CREB5: variants seen among roughly 807,000 people sequenced by gnomAD.
CREB5 encodes the protein cyclic AMP-responsive element-binding protein 5.
A neutral mutation model predicts 57.1 loss-of-function variants in CREB5; 19 were observed. The observed-to-expected ratio is 0.33, with a 90% CI of 0.23 to 0.49. The LOEUF (loss-of-function observed/expected upper bound fraction) is 0.49, where lower values mean the gene tolerates loss of function less well. Among genes scored for constraint, CREB5 ranks in the 20% least tolerant of loss-of-function variants. The pLI is 0.99. For missense variants in CREB5, 579 were observed against 671.6 expected, an observed-to-expected ratio of 0.86 and a Z score of 1.52; for synonymous variants, 238 against 238.3, an observed-to-expected ratio of 1.00 and a Z score of 0.01.
chr7:28,560,839 T>TGC lies in CREB5; in HGVS notation c.292-9525_292-9524insCG, dbSNP rs1266751699. The stretch of plus-strand genomic sequence containing the variant: ...GTGTGTGTGCGCGCGCGCGCGTGTG[T>TGC]GTGTGCGCGTGTGTGTGTGCGTGTG... On this transcript the variant is annotated intron_variant, in intron 4 of 10. Coordinates refer to ENST00000357727, the MANE Select transcript of CREB5 (RefSeq NM_182898.4). Among the ~76,000 whole-genome samples the TGC allele has an allele frequency of 6.2e-5, 6 of 96,402 alleles. 1 individual carries two copies. The highest frequency in any genetic ancestry group is 8.9e-5 in the Non-Finnish European group (4 of 45,168). The allele number at this position is 96,402 out of a possible 152,430, so 63.2% of individuals were successfully genotyped here.
intron 1 of CREB5, among the ~76,000 whole-genome samples, chr7:28,306,636 C>T (rs1299678011): frequency 2.8e-5 from 4 of 140,474 alleles, no homozygotes; most frequent in Non-Finnish European, 4.6e-5. Flanking sequence ...TCTCGGCTCA[C>T]TGCAAGCTCC....
At chr7:28,637,413 G>A (rs1257312725) in intron 5 of CREB5, among the ~76,000 whole-genome samples, 5 of 152,232 alleles carry the variant, frequency 3.3e-5, no homozygotes, top group African/African-American at 1.2e-4. Flanking sequence ...TCACAGATTA[G>A]TGAGAATGGC....
chr7:28,757,323 A>G (rs1805381411), intron 7 of CREB5, among the ~76,000 whole-genome samples: 1 of 152,178 alleles, frequency 6.6e-6, no homozygotes, highest in African/African-American at 2.4e-5. Context: ...TCATGCCTTT[A>G]ACTACTATGC....
chr7:28,772,455 T>C (rs942761287), intron 7 of CREB5, among the ~76,000 whole-genome samples: 2 of 152,136 alleles, frequency 1.3e-5, no homozygotes, highest in Non-Finnish European at 2.9e-5. Flanking sequence ...CGCCACTGTT[T>C]GTTTTAGGTG....
intron 4 of CREB5, among the ~76,000 whole-genome samples, chr7:28,543,552 G>A (rs1167423733): frequency 7.1e-6 from 1 of 139,910 alleles, no homozygotes; most frequent in Middle Eastern, 3.8e-3. Context: ...CCATTTAGAG[G>A]TCTGTCTTTC....
chr7:28,454,960 T>C (rs1790023043), intron 1 of CREB5, among the ~76,000 whole-genome samples: 1 of 152,162 alleles, frequency 6.6e-6, no homozygotes, highest in Non-Finnish European at 1.5e-5. Flanking sequence ...TGTCCTCAAA[T>C]GGAGCTTCCC....
chr7:28,346,505 C>T (rs943896805), intron 1 of CREB5, among the ~76,000 whole-genome samples: 1 of 152,236 alleles, frequency 6.6e-6, no homozygotes, highest in African/African-American at 2.4e-5. Flanking sequence ...AGGATTTCAA[C>T]ATGTGAATTT....
chr7:28,396,329 G>A (rs182000357), intron 1 of CREB5, among the ~76,000 whole-genome samples: 1 of 152,242 alleles, frequency 6.6e-6, no homozygotes, highest in Non-Finnish European at 1.5e-5. Context: ...TGGATGCAAG[G>A]CAGATATGCT....
chr7:28,412,800 A>G lies in CREB5; in HGVS notation c.-115A>G. 4.1e-6 allele frequency: 4 copies of G among 965,258 alleles called. No individual in the cohort carries two copies. The highest frequency in any genetic ancestry group is 5.9e-6 in the Non-Finnish European group (4 of 672,328). The allele number at this position is 965,258 out of a possible 1,614,324, so 59.8% of individuals were successfully genotyped here. On this transcript the variant is annotated 5_prime_UTR_variant, in exon 1 of 11. Transcript: ENST00000357727. ...TGAAATACTGAGGCAAATACTCAAG[A>G]CTTATTTTCTTCCTAATCTTGCTGG...
intron 5 of CREB5, among the ~76,000 whole-genome samples, chr7:28,691,418 TC>T (rs66485904): frequency 0.19 from 14,098 of 76,018 alleles, 1,100 homozygotes; most frequent in Middle Eastern, 0.29. Context: ...AGACTCTGTC[TC>T]CAAAAAAAAA....
chr7:28,717,796 T>G (rs1037989251), intron 5 of CREB5, among the ~76,000 whole-genome samples: 6 of 152,220 alleles, frequency 3.9e-5, no homozygotes, highest in Admixed American at 2.6e-4. Flanking sequence ...TTGTTTGTTT[T>G]GTTTTGTTTG....
At chr7:28,615,825 C>G (rs1296073656) in intron 5 of CREB5, 2 of 152,244 alleles carry the variant, frequency 1.3e-5, no homozygotes, top group Non-Finnish European at 2.9e-5. Context: ...GTGACCCTGG[C>G]CCTGGACACA....
chr7:28,335,328 C>T (rs921370778), intron 1 of CREB5, among the ~76,000 whole-genome samples: 1 of 152,038 alleles, frequency 6.6e-6, no homozygotes, highest in Admixed American at 6.6e-5. Flanking sequence ...AACACATGAA[C>T]ATGAAATGTC....
intron 3 of CREB5, among the ~76,000 whole-genome samples, chr7:28,498,160 TATC>T (rs1792129066): frequency 6.6e-6 from 1 of 152,212 alleles, no homozygotes; most frequent in Admixed American, 6.5e-5. Context: ...TTATTTACCT[TATC>T]ATATTTTGTG....
rs1041943193 is a variant in CREB5, at chr7:28,561,021, T to C, written c.292-9344T>C. 4.3e-3 allele frequency among the ~76,000 whole-genome samples: 187 copies of C among 43,190 alleles called. 35 individuals carry two copies. The highest frequency in any genetic ancestry group is 0.029 in the African/African-American group (179 of 6,238). The allele number at this position is 43,190 out of a possible 152,430, so 28.3% of individuals were successfully genotyped here. A position where few individuals can be genotyped will look rare whatever the true frequency, so the allele number is the denominator to read the frequency against. ...CTGCGTGTGCGTGTGTGTGTGCGTG[T>C]GTGCGTGTGTGTGTGTGTGTGTGAA... On this transcript the variant is annotated intron_variant, in intron 4 of 10. Transcript: ENST00000357727.
At chr7:28,598,154 A>G (rs1411867403) in intron 5 of CREB5, among the ~76,000 whole-genome samples, 1 of 152,080 alleles carries the variant, frequency 6.6e-6, no homozygotes, top group Non-Finnish European at 1.5e-5. Context: ...GAATCATGGG[A>G]GCTGGTCTTT....
intron 4 of CREB5, among the ~76,000 whole-genome samples, chr7:28,531,885 C>T (rs181589356): frequency 1.2e-4 from 18 of 152,146 alleles, no homozygotes; most frequent in Non-Finnish European, 1.9e-4. Flanking sequence ...AAAAATTAGC[C>T]GGGTGTGGTG....
At chr7:28,790,827 G>T (rs1421067704) in intron 7 of CREB5, among the ~76,000 whole-genome samples, 3 of 152,220 alleles carry the variant, frequency 2.0e-5, no homozygotes, top group African/African-American at 7.2e-5. Context: ...TATTAAGTCA[G>T]GCTGGTTGGA....
chr7:28,372,631 G>C (rs1304282902), intron 1 of CREB5, among the ~76,000 whole-genome samples: 1 of 152,154 alleles, frequency 6.6e-6, no homozygotes, highest in Non-Finnish European at 1.5e-5. Context: ...TTATAGATTG[G>C]TATTAAGGCA....
Sources: allele counts gnomAD v4.1 joint callset (sites outside exome capture counted in the v4.1 genomes callset), GRCh38; gene constraint gnomAD v4.1.1; transcripts MANE v1.5; gene names NCBI Gene and HGNC (gene_info 2026-07-23, HGNC 2026-07-21).